Variants in HMGA2 observed in about 807,000 individuals in gnomAD.
The protein encoded by HMGA2 is high mobility group protein HMGI-C.
HMGA2 carries 8 observed loss-of-function variants against 19.1 expected under a neutral mutation model. The observed-to-expected ratio is 0.42, with a 90% CI of 0.25 to 0.76. The LOEUF (loss-of-function observed/expected upper bound fraction) is 0.76, where lower values mean the gene tolerates loss of function less well. Ranked by LOEUF, HMGA2 falls within the 30% of genes least tolerant of loss-of-function variation. The probability of loss-of-function intolerance (pLI) is 0.28; values close to 1 mark genes in which losing one functional copy is unlikely to be tolerated. For synonymous variants in HMGA2, 60 were observed against 48.8 expected, an observed-to-expected ratio of 1.23 and a Z score of -0.96; for missense variants, 109 against 136.3, an observed-to-expected ratio of 0.80 and a Z score of 1.00.
intron 2 of HMGA2, among the ~76,000 whole-genome samples, chr12:65,835,537 G>A (rs899302390): frequency 6.6e-6 from 1 of 152,140 alleles, no homozygotes; most frequent in African/African-American, 2.4e-5. Context: ...TAACAAGTCC[G>A]AGTGATAATC....
chr12:65,898,377 T>A (rs1874223646), intron 3 of HMGA2, among the ~76,000 whole-genome samples: 1 of 152,134 alleles, frequency 6.6e-6, no homozygotes, highest in South Asian at 2.1e-4. Context: ...AAACTCAGGG[T>A]TCAGATCTTT....
intron 3 of HMGA2, among the ~76,000 whole-genome samples, chr12:65,928,407 A>G (rs1875590877): frequency 6.6e-6 from 1 of 152,232 alleles, no homozygotes; most frequent in Non-Finnish European, 1.5e-5. Flanking sequence ...TGAATGTGAC[A>G]GCCTAGAACA....
At chr12:65,958,951 C>A (rs1460578225) in intron 4 of HMGA2, 2 of 152,182 alleles carry the variant, frequency 1.3e-5, no homozygotes, top group Non-Finnish European at 2.9e-5. Context: ...GTGACACCAC[C>A]CCTGTGTTTG....
chr12:65,873,120 C>T (rs1872791843), intron 3 of HMGA2, among the ~76,000 whole-genome samples: 1 of 152,188 alleles, frequency 6.6e-6, no homozygotes, highest in South Asian at 2.1e-4. Flanking sequence ...AATTTGCACA[C>T]ACCTGAGGTA....
chr12:65,870,260 A>G (rs1487730260), intron 3 of HMGA2, among the ~76,000 whole-genome samples: 1 of 152,204 alleles, frequency 6.6e-6, no homozygotes, highest in Non-Finnish European at 1.5e-5. Context: ...GTCTTGATTT[A>G]TTATTTAACC....
At chr12:65,930,086 T>G (rs1213292214) in intron 3 of HMGA2, among the ~76,000 whole-genome samples, 2 of 152,168 alleles carry the variant, frequency 1.3e-5, no homozygotes, top group African/African-American at 4.8e-5. Context: ...TAAGCCCCAG[T>G]ATAGTTGAAT....
chr12:65,880,691 G>A (rs1027568496), intron 3 of HMGA2, among the ~76,000 whole-genome samples: 6 of 151,950 alleles, frequency 3.9e-5, no homozygotes, highest in Non-Finnish European at 5.9e-5. Flanking sequence ...GATATCTCCC[G>A]GTAAATGCTT....
chr12:65,914,200 T>A (rs1301220031), intron 3 of HMGA2, among the ~76,000 whole-genome samples: 1 of 152,024 alleles, frequency 6.6e-6, no homozygotes, highest in Non-Finnish European at 1.5e-5. Flanking sequence ...ACACGTATGT[T>A]TATTGCGGCA....
At chr12:65,936,826 G>A (rs1406600124) in intron 3 of HMGA2, among the ~76,000 whole-genome samples, 2 of 152,154 alleles carry the variant, frequency 1.3e-5, no homozygotes, top group Non-Finnish European at 2.9e-5. Flanking sequence ...TTGCTACCAG[G>A]TCACACAGCT....
rs927995962 is a variant in HMGA2, at chr12:65,825,039, C to T, written c.-232C>T. On this transcript the variant is annotated 5_prime_UTR_variant, in exon 1 of 5. Coordinates refer to ENST00000403681, the MANE Select transcript of HMGA2 (RefSeq NM_003483.6). This position sits in a 1 kb window ranked among gnomAD's most constrained non-coding sequence, Gnocchi z 4.4. ...GCCGCCGCCGCCACCGGCAGCGCCT[C>T]CTCCTCTCCTCCTCCTCCTCCCCTC... 3 of 447,520 alleles carry T rather than the reference C, an allele frequency of 6.7e-6. No individual in the cohort carries two copies. The Admixed American group carries it at 1.3e-4, about 20-fold the overall frequency. 27.7% of individuals were successfully genotyped at this position (447,520 alleles called of 1,614,324 possible). A position where few individuals can be genotyped will look rare whatever the true frequency, so the allele number is the denominator to read the frequency against.
intron 3 of HMGA2, among the ~76,000 whole-genome samples, chr12:65,915,944 C>G (rs1875083140): frequency 6.6e-6 from 1 of 152,168 alleles, no homozygotes; most frequent in African/African-American, 2.4e-5. Flanking sequence ...TGACCTAACC[C>G]AGGGTACTGG....
At chr12:65,922,132 A>G (rs1258775065) in intron 3 of HMGA2, among the ~76,000 whole-genome samples, 1 of 152,230 alleles carries the variant, frequency 6.6e-6, no homozygotes, top group Non-Finnish European at 1.5e-5. Flanking sequence ...GCCCCCACAC[A>G]GAGTCCCAAC....
intron 3 of HMGA2, among the ~76,000 whole-genome samples, chr12:65,882,419 C>T (rs7958066): frequency 0.072 from 10,930 of 152,234 alleles, 755 homozygotes; most frequent in African/African-American, 0.18. Context: ...CCCGCCCGCC[C>T]TGGGAAGCTG....
chr12:65,892,005 T>A (rs573758403), intron 3 of HMGA2, among the ~76,000 whole-genome samples: 2 of 152,324 alleles, frequency 1.3e-5, no homozygotes, highest in East Asian at 3.9e-4. Flanking sequence ...AATTCAGAGA[T>A]TACAGTTTGT....
In HMGA2 at chr12:65,825,472, C is replaced by G. The variant is rs1870109848; in HGVS notation, c.111+91C>G. On this transcript the variant is annotated intron_variant, in intron 1 of 4. Coordinates refer to ENST00000403681, the MANE Select transcript of HMGA2 (RefSeq NM_003483.6). This position sits in a 1 kb window ranked among gnomAD's most constrained non-coding sequence, Gnocchi z 4.4. ...GCGGGGCGGCCGGAGTGCGGGAGCC[C>G]AGTCGCCGCGGCCGTCGCACACTGC... 3 of 878,818 alleles carry G rather than the reference C, an allele frequency of 3.4e-6. No individual in the cohort carries two copies. The African/African-American group carries it at 5.3e-5, about 16-fold the overall frequency. 54.4% of individuals were successfully genotyped at this position (878,818 alleles called of 1,614,324 possible).
At position 65,965,309 on chromosome 12, in the gene HMGA2, AC is replaced by A. The variant is rs1876876523; in HGVS notation, c.*2019del. On this transcript the variant is annotated 3_prime_UTR_variant, in exon 5 of 5. Coordinates refer to ENST00000403681, the MANE Select transcript of HMGA2 (RefSeq NM_003483.6). ...AATGTGATTTTTGTAATATGTCTCAACCAGATTTATTTTAAACGCTTCTTAT... is the reference window on the plus strand; with the variant it reads ...AATGTGATTTTTGTAATATGTCTCAACAGATTTATTTTAAACGCTTCTTAT... The A allele has an allele frequency of 4.9e-6, 1 of 203,846 alleles. No homozygotes were observed. The highest frequency in any genetic ancestry group is 2.3e-5 in the African/African-American group (1 of 43,666). 12.6% of individuals were successfully genotyped at this position (203,846 alleles called of 1,614,324 possible). A position where few individuals can be genotyped will look rare whatever the true frequency, so the allele number is the denominator to read the frequency against.
chr12:65,879,259 C>A (rs1250428499), intron 3 of HMGA2, among the ~76,000 whole-genome samples: 1 of 151,734 alleles, frequency 6.6e-6, no homozygotes, highest in Non-Finnish European at 1.5e-5. Flanking sequence ...TCCCAAGTAG[C>A]TGGGACTACA....
rs548770333 is a variant in HMGA2 at position 65,928,005 on chromosome 12, A to G, written c.250-23378A>G. Among the ~76,000 whole-genome samples the G allele has an allele frequency of 2.7e-5, 4 of 150,068 alleles. No individual in the cohort carries two copies. In the South Asian group the frequency reaches 8.3e-4, roughly 31 times the overall value. Reference sequence around the variant, plus strand: ...TATGTGTATATATTATATATTTTATAAAGATATATATTCAATCATACATTG... The same window carrying G: ...TATGTGTATATATTATATATTTTATGAAGATATATATTCAATCATACATTG... On this transcript the variant is annotated intron_variant, in intron 3 of 4. Coordinates refer to ENST00000403681, the MANE Select transcript of HMGA2 (RefSeq NM_003483.6).
intron 3 of HMGA2, among the ~76,000 whole-genome samples, chr12:65,894,979 C>T (rs1874065275): frequency 6.6e-6 from 1 of 152,108 alleles, no homozygotes; most frequent in Non-Finnish European, 1.5e-5. Context: ...CCTAATACAG[C>T]TTTATAATGT....
Sources: gnomAD v4.1 joint callset for allele counts (sites outside exome capture counted in the v4.1 genomes callset) on GRCh38, gnomAD v4.1.1 for gene constraint, Gnocchi (gnomAD v3.1) non-coding constraint, MANE v1.5 for transcripts, NCBI Gene and HGNC (gene_info 2026-07-23, HGNC 2026-07-21) for gene names.